The following NCKAP5 variants were observed in gnomAD, a reference collection of about 807,000 sequenced individuals.
The protein encoded by NCKAP5 is nck-associated protein 5.
A neutral mutation model predicts 167.0 loss-of-function variants in NCKAP5; 92 were observed. That is an observed-to-expected ratio of 0.55 (90% confidence interval 0.47 to 0.66). The LOEUF is 0.66. Among genes scored for constraint, NCKAP5 ranks in the 30% least tolerant of loss-of-function variants. The pLI, the probability that NCKAP5 is intolerant of heterozygous loss-of-function variation, is 0.00. For missense variants in NCKAP5, 2,378 were observed against 2,315.0 expected, an observed-to-expected ratio of 1.03 and a Z score of -0.56; for synonymous variants, 891 against 877.4, an observed-to-expected ratio of 1.02 and a Z score of -0.27.
intron 4 of NCKAP5, among the ~76,000 whole-genome samples, chr2:133,286,617 T>TA (rs1251783656): frequency 6.6e-6 from 1 of 152,190 alleles, no homozygotes; most frequent in African/African-American, 2.4e-5. Context: ...TCTCAAAGGA[T>TA]AATGAAAACT....
intron 3 of NCKAP5, among the ~76,000 whole-genome samples, chr2:133,348,154 T>A (rs1269252424): frequency 6.6e-6 from 1 of 152,200 alleles, no homozygotes; most frequent in East Asian, 1.9e-4. Context: ...CACCACTTGC[T>A]GAGTGTCTGC....
chr2:132,878,502 T>C (rs1446247048), intron 9 of NCKAP5, among the ~76,000 whole-genome samples: 3 of 152,008 alleles, frequency 2.0e-5, no homozygotes, highest in East Asian at 1.9e-4. Context: ...ATCACACTTA[T>C]TGGACAGAAA....
chr2:133,277,008 T>C (rs190887289), intron 4 of NCKAP5, among the ~76,000 whole-genome samples: 5 of 152,198 alleles, frequency 3.3e-5, no homozygotes, highest in South Asian at 4.1e-4. Context: ...CTGATGAAAA[T>C]AGGAATTGAT....
intron 3 of NCKAP5, among the ~76,000 whole-genome samples, chr2:133,305,649 C>A (rs1317967315): frequency 6.6e-6 from 1 of 152,154 alleles, no homozygotes; most frequent in African/African-American, 2.4e-5. Context: ...GATCTCTAAT[C>A]TGAATGTAGT....
At chr2:132,749,935 C>T (rs1490620457) in intron 16 of NCKAP5, among the ~76,000 whole-genome samples, 1 of 152,120 alleles carries the variant, frequency 6.6e-6, no homozygotes, top group African/African-American at 2.4e-5. Flanking sequence ...ATGCCATGAG[C>T]CTCACCACCT....
intron 4 of NCKAP5, among the ~76,000 whole-genome samples, chr2:133,290,982 T>C (rs1027852190): frequency 6.6e-5 from 10 of 152,068 alleles, no homozygotes; most frequent in Non-Finnish European, 1.2e-4. Context: ...CTGTCTCCCA[T>C]GTGCTGTGAT....
At chr2:133,470,075 A>G (rs897716691) in intron 3 of NCKAP5, among the ~76,000 whole-genome samples, 7 of 151,936 alleles carry the variant, frequency 4.6e-5, no homozygotes, top group African/African-American at 1.7e-4. Flanking sequence ...CCTTTGGAGG[A>G]GGAGAGGTGC....
At chr2:133,231,704 G>T in intron 4 of NCKAP5, among the ~76,000 whole-genome samples, 1 of 151,872 alleles carries the variant, frequency 6.6e-6, no homozygotes. Flanking sequence ...AAATACTAAC[G>T]GTACCTATGA....
chr2:133,454,900 A>G (rs1277337158), intron 3 of NCKAP5, among the ~76,000 whole-genome samples: 1 of 152,158 alleles, frequency 6.6e-6, no homozygotes, highest in African/African-American at 2.4e-5. Context: ...TATCACAGGT[A>G]CAAAACATCT....
chr2:133,435,338 C>T (rs184322051), intron 3 of NCKAP5, among the ~76,000 whole-genome samples: 223 of 152,244 alleles, frequency 1.5e-3, no homozygotes, highest in Non-Finnish European at 2.9e-3. Flanking sequence ...TTTTTAATCC[C>T]TGTGTTTAGT....
At chr2:133,190,980 A>G (rs1011186150) in intron 5 of NCKAP5, among the ~76,000 whole-genome samples, 16 of 152,194 alleles carry the variant, frequency 1.1e-4, no homozygotes, top group African/African-American at 2.9e-4. Context: ...CAGAGTGAAC[A>G]GGCAACCTGC....
At position 132,961,538 on chromosome 2, in the gene NCKAP5, A is replaced by C. The variant is rs182058575; in HGVS notation, c.579+2182T>G. On this transcript the variant is annotated intron_variant, in intron 8 of 19. Coordinates refer to ENST00000409261, the MANE Select transcript of NCKAP5 (RefSeq NM_207363.3). Reference sequence around the variant, plus strand: ...AATTAAAAAATAAAATAGTTTTATGAATTAAAATAGTGGGTCTTAATGGCA... The same window carrying C: ...AATTAAAAAATAAAATAGTTTTATGCATTAAAATAGTGGGTCTTAATGGCA... 2.7e-3 allele frequency among the ~76,000 whole-genome samples: 406 copies of C among 152,250 alleles called. 4 individuals carry two copies. Among genetic ancestry groups the C allele is most frequent in the African/African-American group, 9.4e-3 (391 of 41,566 alleles).
chr2:132,731,084 C>G (rs1690955775), intron 17 of NCKAP5, among the ~76,000 whole-genome samples: 1 of 152,106 alleles, frequency 6.6e-6, no homozygotes, highest in South Asian at 2.1e-4. Flanking sequence ...ATAAGACATA[C>G]AAGTTAAAAA....
At chr2:133,171,497 G>A (rs545863489) in intron 5 of NCKAP5, among the ~76,000 whole-genome samples, 1 of 152,166 alleles carries the variant, frequency 6.6e-6, no homozygotes, top group Non-Finnish European at 1.5e-5. Flanking sequence ...GAGAGGTCTG[G>A]TTCCATCATG....
chr2:133,243,463 G>C (rs1337154397), intron 4 of NCKAP5, among the ~76,000 whole-genome samples: 1 of 152,192 alleles, frequency 6.6e-6, no homozygotes, highest in African/African-American at 2.4e-5. Context: ...AGAAAATGCT[G>C]TGACAGTGTT....
intron 3 of NCKAP5, among the ~76,000 whole-genome samples, chr2:133,513,974 T>C (rs1683741758): frequency 1.3e-5 from 2 of 152,196 alleles, no homozygotes; most frequent in Non-Finnish European, 1.5e-5. Context: ...AGCCCGGGAA[T>C]GAGTCTTGCA....
intron 11 of NCKAP5, among the ~76,000 whole-genome samples, chr2:132,849,958 C>G (rs1187561259): frequency 1.3e-5 from 2 of 152,164 alleles, no homozygotes; most frequent in Non-Finnish European, 2.9e-5. Context: ...AATCAGGACT[C>G]CTGGAATCGA....
chr2:133,299,300 T>A (rs1258006099), intron 4 of NCKAP5, among the ~76,000 whole-genome samples: 1 of 152,044 alleles, frequency 6.6e-6, no homozygotes, highest in African/African-American at 2.4e-5. Flanking sequence ...ATTTTTACAG[T>A]GGCGCAACAA....
intron 11 of NCKAP5, among the ~76,000 whole-genome samples, chr2:132,832,380 T>A (rs573544471): frequency 6.6e-6 from 1 of 152,252 alleles, no homozygotes; most frequent in East Asian, 1.9e-4. Context: ...GTTTTATATA[T>A]GTTTTGCATG....
Sources: gnomAD v4.1 joint callset for allele counts (sites outside exome capture counted in the v4.1 genomes callset) on GRCh38, gnomAD v4.1.1 for gene constraint, MANE v1.5 for transcripts, NCBI Gene and HGNC (gene_info 2026-07-23, HGNC 2026-07-21) for gene names.